Variants in ASB15 observed in about 807,000 individuals in gnomAD.
ASB15 encodes ankyrin repeat and SOCS box protein 15.
Under a neutral mutation model 58.0 loss-of-function variants are expected in ASB15, and 54 were observed. The observed-to-expected ratio is 0.93, with a 90% CI of 0.75 to 1.17. ASB15 has a LOEUF of 1.17. Among genes scored for constraint, ASB15 ranks in the 50% most tolerant of loss-of-function variants. ASB15 has a pLI of 0.00. For missense variants in ASB15, 680 were observed against 707.4 expected (o/e 0.96, Z 0.44); for synonymous variants, 249 against 262.4 (o/e 0.95, Z 0.50).
At chr7:123,613,724 T>C (rs891294478) in intron 3 of ASB15, among the ~76,000 whole-genome samples, 1 of 152,178 alleles carries the variant, frequency 6.6e-6, no homozygotes, top group East Asian at 1.9e-4. Context: ...AGTCAGACTT[T>C]GAAGCTGACC....
In ASB15 at chr7:123,638,607, T is replaced by C. The variant is rs1802527185; in HGVS notation, c.*1626T>C. 6.6e-6 allele frequency: 1 copy of C among 152,180 alleles called. No homozygotes were observed. The highest frequency in any genetic ancestry group is 6.5e-5 in the Admixed American group (1 of 15,282). The allele number at this position is 152,180 out of a possible 1,614,324, so 9.4% of individuals were successfully genotyped here. A position where few individuals can be genotyped will look rare whatever the true frequency, so the allele number is the denominator to read the frequency against. On this transcript the variant is annotated 3_prime_UTR_variant, in exon 12 of 12. Coordinates refer to ENST00000451215, the MANE Select transcript of ASB15 (RefSeq NM_001290258.2). Reference sequence around the variant, plus strand: ...CCCCATTGACGAGTGAGAATTTCACTGTGGGCCATCAAATATCTGAGGACC... The same window carrying C: ...CCCCATTGACGAGTGAGAATTTCACCGTGGGCCATCAAATATCTGAGGACC...
chr7:123,594,170 G>T (rs1197380784), intron 1 of ASB15, among the ~76,000 whole-genome samples: 2 of 151,934 alleles, frequency 1.3e-5, no homozygotes, highest in Non-Finnish European at 2.9e-5. Flanking sequence ...ATTCTAGTTT[G>T]CCATTCCTCT....
At chr7:123,624,213 T>G (rs955613942) in intron 7 of ASB15, among the ~76,000 whole-genome samples, 2 of 152,172 alleles carry the variant, frequency 1.3e-5, no homozygotes, top group Non-Finnish European at 2.9e-5. Flanking sequence ...TTACATACAT[T>G]ATTTAATTTG....
chr7:123,612,188 G>C (rs1392309034), intron 3 of ASB15: 1 of 152,188 alleles, frequency 6.6e-6, no homozygotes, highest in African/African-American at 2.4e-5. Flanking sequence ...ACCAGGCAAG[G>C]CCACAGGTTG....
intron 2 of ASB15, 74 bp from the exon 3 acceptor site, chr7:123,608,520 G>C (rs1242237713): frequency 2.6e-5 from 4 of 152,118 alleles, no homozygotes; most frequent in Non-Finnish European, 4.4e-5. Context: ...ATGTTTTCAA[G>C]GTATCAGAAG....
At chr7:123,588,907 C>A (rs1256413809) in intron 1 of ASB15, among the ~76,000 whole-genome samples, 1 of 151,036 alleles carries the variant, frequency 6.6e-6, no homozygotes, top group Non-Finnish European at 1.5e-5. Flanking sequence ...GTTTCTTGTT[C>A]CATACCATTG....
At chr7:123,634,774 T>C (rs1201151155) in intron 11 of ASB15, among the ~76,000 whole-genome samples, 1 of 152,224 alleles carries the variant, frequency 6.6e-6, no homozygotes, top group Non-Finnish European at 1.5e-5. Context: ...CACCATTATA[T>C]AGCCTCCGAT....
chr7:123,616,319 C>T (rs1206306829), intron 5 of ASB15, 45 bp from the exon 6 acceptor site: 1 of 1,609,420 alleles, frequency 6.2e-7, no homozygotes, highest in Admixed American at 1.7e-5. Flanking sequence ...GAGATTCCAC[C>T]TTGCAAAAAC....
intron 1 of ASB15, among the ~76,000 whole-genome samples, chr7:123,578,048 C>T (rs1229393995): frequency 6.6e-6 from 1 of 151,360 alleles, no homozygotes; most frequent in Non-Finnish European, 1.5e-5. Flanking sequence ...CCCTAGCCCC[C>T]CACCCCATGA....
chr7:123,580,497 C>G (rs1283221244), intron 1 of ASB15, among the ~76,000 whole-genome samples: 1 of 151,992 alleles, frequency 6.6e-6, no homozygotes, highest in East Asian at 1.9e-4. Flanking sequence ...CCCCCTAAGC[C>G]TTACTTCTTC....
chr7:123,603,220 G>T (rs927052277), intron 1 of ASB15, among the ~76,000 whole-genome samples: 8 of 152,118 alleles, frequency 5.3e-5, no homozygotes, highest in Non-Finnish European at 1.2e-4. Context: ...TGAGGGCATG[G>T]ATCCCATATA....
chr7:123,586,931 C>T (rs1090539), intron 1 of ASB15, among the ~76,000 whole-genome samples: 149,221 of 151,788 alleles, frequency 0.98, 73,407 homozygotes, highest in East Asian at 1. Context: ...ACTATATTGT[C>T]TTGTTTACTA....
intron 1 of ASB15, among the ~76,000 whole-genome samples, chr7:123,583,118 G>T (rs1249811222): frequency 6.6e-6 from 1 of 151,976 alleles, no homozygotes; most frequent in African/African-American, 2.4e-5. Flanking sequence ...AGACCTAGGT[G>T]CAGTGGCTCA....
intron 1 of ASB15, among the ~76,000 whole-genome samples, chr7:123,585,510 T>C (rs2116334163): frequency 6.6e-6 from 1 of 151,978 alleles, no homozygotes; most frequent in Non-Finnish European, 1.5e-5. Context: ...TATTGAGGTA[T>C]AATTAATAAA....
chr7:123,618,220 G>A (rs80049140), intron 7 of ASB15, among the ~76,000 whole-genome samples: 2,584 of 152,284 alleles, frequency 0.017, 74 homozygotes, highest in African/African-American at 0.059. Flanking sequence ...ACTGTGACAC[G>A]AGGGAAGAAT....
chr7:123,626,459 G>A (rs1801780051), intron 8 of ASB15, among the ~76,000 whole-genome samples: 1 of 152,108 alleles, frequency 6.6e-6, no homozygotes, highest in Non-Finnish European at 1.5e-5. Flanking sequence ...TCGACAGAGT[G>A]AGATTCTGTC....
chr7:123,616,408 A>G lies in ASB15; in HGVS notation c.205A>G (p.Met69Val), dbSNP rs1382197825. 1 of 1,607,194 alleles carries G rather than the reference A, an allele frequency of 6.2e-7. No individual in the cohort carries two copies. The highest frequency in any genetic ancestry group is 1.1e-5 in the South Asian group (1 of 90,844). Residue 69 changes from methionine to valine, a missense_variant, in exon 6 of 12, where the codon ATG (methionine) becomes GTG (valine). Met to Val is a conservative substitution (Grantham distance 21, BLOSUM62 1). Coordinates refer to ENST00000451215, the MANE Select transcript of ASB15 (RefSeq NM_001290258.2). ...LQEYVKYKYA[M>V]DEADEKGWFP... Reference sequence around the variant, plus strand: ...GGAGTATGTAAAATATAAATATGCAATGGATGAAGCTGATGAAAAAGGATG... The same window carrying G: ...GGAGTATGTAAAATATAAATATGCAGTGGATGAAGCTGATGAAAAAGGATG...
At chr7:123,602,493 T>G (rs1316764336) in intron 1 of ASB15, among the ~76,000 whole-genome samples, 8 of 152,304 alleles carry the variant, frequency 5.3e-5, no homozygotes, top group African/African-American at 1.9e-4. Context: ...TGTTCTTAAA[T>G]GCACAGTTAA....
intron 1 of ASB15, among the ~76,000 whole-genome samples, chr7:123,577,654 G>A (rs1462064470): frequency 6.6e-6 from 1 of 152,032 alleles, no homozygotes; most frequent in African/African-American, 2.4e-5. Flanking sequence ...AATAAACATA[G>A]CAAACATGTT....
Sources: allele counts gnomAD v4.1 joint callset (sites outside exome capture counted in the v4.1 genomes callset), GRCh38; gene constraint gnomAD v4.1.1; transcripts MANE v1.5; gene names NCBI Gene and HGNC (gene_info 2026-07-23, HGNC 2026-07-21).